The following GNPTG variants were observed in gnomAD, a reference collection of about 807,000 sequenced individuals.
GNPTG encodes N-acetylglucosamine-1-phosphotransferase subunit gamma.
Under a neutral mutation model 43.8 loss-of-function variants are expected in GNPTG, and 46 were observed. The ratio of observed to expected loss-of-function variants is 1.05; its 90% CI spans 0.83 to 1.34. GNPTG has a LOEUF of 1.34. Among genes scored for constraint, GNPTG ranks in the 40% most tolerant of loss-of-function variants. GNPTG has a pLI of 0.00. For synonymous variants in GNPTG, 250 were observed against 172.8 expected (o/e 1.45, Z -3.50); for missense variants, 549 against 411.3 (o/e 1.33, Z -2.90).
At chr16:1,361,633 G>C in intron 3 of GNPTG, 110 bp from the exon 4 acceptor site, 1 of 1,098,988 alleles carries the variant, frequency 9.1e-7, no homozygotes, top group Non-Finnish European at 1.3e-6. Context: ...GACAGAGTGA[G>C]ACTCCATCTC....
At chr16:1,356,887 C>CTGCGGGCGGGAGTG (rs1442011483) in intron 3 of GNPTG, among the ~76,000 whole-genome samples, 1 of 5,580 alleles carries the variant, frequency 1.8e-4, no homozygotes, top group African/African-American at 4.1e-4. Context: ...GGGCGGGGGT[C>CTGCGGGCGGGAGTG]TGCGGGCGGG....
Position 1,362,069 on chromosome 16 carries a change from A to G in GNPTG, c.349A>G (p.Thr117Ala). 1 of 1,611,318 alleles carries G rather than the reference A, an allele frequency of 6.2e-7. No individual in the cohort carries two copies. Among genetic ancestry groups the G allele is most frequent in the Non-Finnish European group, 8.5e-7 (1 of 1,179,146 alleles). ...IWHEWEIANN[T>A]FTGMWMRDGD... is the part of the protein sequence containing the mutation. ...GCACGAGTGGGAGATCGCCAACAACACCTTCACGGGCATGTGGATGAGGGA... is the reference window on the plus strand; with the variant it reads ...GCACGAGTGGGAGATCGCCAACAACGCCTTCACGGGCATGTGGATGAGGGA... Residue 117 changes from threonine to alanine, a missense_variant, in exon 6 of 11, where the codon ACC (threonine) becomes GCC (alanine). Transcript: ENST00000204679.
rs955019316 is a variant in GNPTG, at chr16:1,351,949, G to C, written c.-17G>C. 5 of 1,280,726 alleles carry C rather than the reference G, an allele frequency of 3.9e-6. No individual in the cohort carries two copies. Among genetic ancestry groups the C allele is most frequent in the Non-Finnish European group, 4.9e-6 (5 of 1,020,264 alleles). 79.3% of individuals were successfully genotyped at this position (1,280,726 alleles called of 1,614,324 possible). A position where few individuals can be genotyped will look rare whatever the true frequency, so the allele number is the denominator to read the frequency against. On this transcript the variant is annotated 5_prime_UTR_variant, in exon 1 of 11. Coordinates refer to ENST00000204679, the MANE Select transcript of GNPTG (RefSeq NM_032520.5). ...GACCGTCACTTCACGTGACCGCGCG[G>C]CGGCCGCTGCGGCGCGATGGCGGCG...
At chr16:1,356,435 C>T (rs536777221) in intron 3 of GNPTG, among the ~76,000 whole-genome samples, 9 of 152,246 alleles carry the variant, frequency 5.9e-5, no homozygotes, top group East Asian at 1.9e-4. Flanking sequence ...GCCCAAGAGG[C>T]GTGGAGGGGC....
chr16:1,361,782 G>A lies in GNPTG; in HGVS notation c.218G>A (p.Ser73Asn), dbSNP rs769323972. The A allele has an allele frequency of 6.2e-7, 1 of 1,614,126 alleles. No homozygotes were observed. The highest frequency in any genetic ancestry group is 1.1e-5 in the South Asian group (1 of 91,078). The change falls in exon 4 of 11, where the codon AGC becomes AAC. Residue 73 changes from serine to asparagine, a missense_variant. Physicochemically the swap from Ser to Asn is conservative, Grantham distance 46. Transcript: ENST00000204679. ...HLFRLSGKCFSLVESTYKYEF... is the reference protein window; with the variant it reads ...HLFRLSGKCFNLVESTYKYEF... ...TTCCGACTCTCGGGCAAGTGCTTCA[G>A]CCTGGTGGAGTCCACGTGAGTGCAG...
intron 3 of GNPTG, chr16:1,361,125 A>T (rs62011305): frequency 0.54 from 82,919 of 153,234 alleles, 23,528 homozygotes; most frequent in Admixed American, 0.65. Flanking sequence ...TTTTGTGTAG[A>T]CACGGGGTTC....
At position 1,363,184 on chromosome 16, in the gene GNPTG, G is replaced by C; in HGVS notation, c.*93G>C. The C allele has an allele frequency of 9.7e-7, 1 of 1,030,924 alleles. No homozygotes were observed. The highest frequency in any genetic ancestry group is 1.5e-6 in the Non-Finnish European group (1 of 674,856). The allele number at this position is 1,030,924 out of a possible 1,614,324, so 63.9% of individuals were successfully genotyped here. ...GCAGGGACCAGCTGACCAGGCTTGT[G>C]CTCAGAGAAGCAGACAAAACAAAGA... On this transcript the variant is annotated 3_prime_UTR_variant, in exon 11 of 11. Transcript: ENST00000204679.
chr16:1,362,256 G>A lies in GNPTG; in HGVS notation c.462G>A (p.Pro154=), dbSNP rs780619430. The change falls in exon 7 of 11, where the codon CCG becomes CCA. Residue 154 remains proline (P), a synonymous_variant. Coordinates refer to ENST00000204679, the MANE Select transcript of GNPTG (RefSeq NM_032520.5). The stretch of plus-strand genomic sequence containing the variant: ...ACCGGCTGGCCCATGTGTCCGAGCC[G>A]AGCACCTGCGTCTACGCGCTGACGT... The part of the protein sequence containing the change: ...KSNRLAHVSE[P]STCVYALTFE... 77 of 1,613,360 alleles carry A rather than the reference G, an allele frequency of 4.8e-5. No individual in the cohort carries two copies. The Admixed American group carries it at 5.3e-4, about 11-fold the overall frequency.
In GNPTG at chr16:1,362,644, G is replaced by A; in HGVS notation, c.643G>A (p.Asp215Asn). The part of the protein sequence containing the change: ...HEKLLRTLFE[D>N]AGYLKTPEEN... ...GAAGTTGCTGAGGACACTTTTTGAG[G>A]ATGCTGGCTACTTAAAGACCCCAGA... Residue 215 changes from aspartate to asparagine, a missense_variant, in exon 9 of 11, where the codon GAT becomes AAT. By Grantham distance (23) the Asp-to-Asn change is conservative. Transcript: ENST00000204679. The A allele has an allele frequency of 1.9e-6, 3 of 1,614,188 alleles. No homozygotes were observed. The highest frequency in any genetic ancestry group is 2.5e-6 in the Non-Finnish European group (3 of 1,180,042).
Position 1,354,370 on chromosome 16 carries a change from G to A in GNPTG, c.178+2064G>A, listed in dbSNP as rs533551021. Among the ~76,000 whole-genome samples, 111 of 152,070 alleles carry A rather than the reference G, an allele frequency of 7.3e-4. 1 individual carries two copies. The highest frequency in any genetic ancestry group is 2.6e-3 in the African/African-American group (107 of 41,474). On this transcript the variant is annotated intron_variant, in intron 3 of 10. Coordinates refer to ENST00000204679, the MANE Select transcript of GNPTG (RefSeq NM_032520.5). Reference sequence around the variant, plus strand: ...GTGTGACGATCGCTTGAGGTCAGGAGTTCGAGACCAGCCTGGCCAACATGG... The same window carrying A: ...GTGTGACGATCGCTTGAGGTCAGGAATTCGAGACCAGCCTGGCCAACATGG...
chr16:1,352,128 A>T lies in GNPTG; in HGVS notation c.79A>T (p.Met27Leu). The change falls in exon 2 of 11, where the codon ATG (methionine) becomes TTG (leucine). Residue 27 changes from methionine to leucine, a missense_variant. Coordinates refer to ENST00000204679, the MANE Select transcript of GNPTG (RefSeq NM_032520.5). ...GCCCGCGCCGGCAGGTGCAGCGAAGATGAAGGTGGTGGAGGAGCCCAACGC... is the reference window on the plus strand; with the variant it reads ...GCCCGCGCCGGCAGGTGCAGCGAAGTTGAAGGTGGTGGAGGAGCCCAACGC... ...GGPAPAGAAK[M>L]KVVEEPNAFG... 6.3e-7 allele frequency: 1 copy of T among 1,582,710 alleles called. No homozygotes were observed. Among genetic ancestry groups the T allele is most frequent in the South Asian group, 1.1e-5 (1 of 87,004 alleles).
At chr16:1,352,845 G>C (rs1201807740) in intron 3 of GNPTG, among the ~76,000 whole-genome samples, 1 of 151,980 alleles carries the variant, frequency 6.6e-6, no homozygotes, top group Admixed American at 6.6e-5. Context: ...TAGGTGCTTT[G>C]GTTTGCCCTC....
rs894088899 is a variant in GNPTG, at chr16:1,352,250, C to T, written c.122C>T (p.Pro41Leu). 14 of 1,548,594 alleles carry T rather than the reference C, an allele frequency of 9.0e-6. No individual in the cohort carries two copies. In the Admixed American group the frequency reaches 2.5e-4, roughly 28 times the overall value. Residue 41 changes from proline to leucine, a missense_variant, in exon 3 of 11, where the codon CCG becomes CTG. Pro to Leu is a moderately conservative substitution (Grantham distance 98). Coordinates refer to ENST00000204679, the MANE Select transcript of GNPTG (RefSeq NM_032520.5). ...GCCGCTTCCCGTAGGGTGAACAACC[C>T]GTTCTTGCCTCAGGCCAGTCGCCTC... is the stretch of plus-strand genomic sequence containing the variant. ...EEPNAFGVNN[P>L]FLPQASRLQA...
chr16:1,359,604 G>C (rs2034835781), intron 3 of GNPTG, among the ~76,000 whole-genome samples: 1 of 152,266 alleles, frequency 6.6e-6, no homozygotes, highest in African/African-American at 2.4e-5. Context: ...ACACTGTTTT[G>C]ATCATAACAG....
chr16:1,353,085 T>C (rs2034713599), intron 3 of GNPTG, among the ~76,000 whole-genome samples: 1 of 150,458 alleles, frequency 6.6e-6, no homozygotes, highest in Non-Finnish European at 1.5e-5. Context: ...TCCTCATGCC[T>C]CAGCCTCCCG....
chr16:1,352,180 G>C, intron 2 of GNPTG, 21 bp downstream of exon 2: 1 of 1,560,352 alleles, frequency 6.4e-7, no homozygotes. Flanking sequence ...TCGCGGGCTG[G>C]CGGCTCGAGC....
At chr16:1,356,394 A>G (rs893925738) in intron 3 of GNPTG, among the ~76,000 whole-genome samples, 3 of 152,138 alleles carry the variant, frequency 2.0e-5, no homozygotes, top group African/African-American at 7.2e-5. Flanking sequence ...ATTTGGGGGT[A>G]GAGACTCCCG....
At chr16:1,358,730 C>G (rs886118330) in intron 3 of GNPTG, among the ~76,000 whole-genome samples, 1 of 152,168 alleles carries the variant, frequency 6.6e-6, no homozygotes, top group Admixed American at 6.5e-5. Flanking sequence ...GGTCCAGTTT[C>G]TCCACATTTT....
intron 3 of GNPTG, chr16:1,352,535 AAT>A (rs2034703273): frequency 3.4e-6 from 2 of 584,876 alleles, no homozygotes; most frequent in African/African-American, 3.7e-5. Flanking sequence ...AACTGCTGTT[AAT>A]AGTCTGGTGA....
Sources: gnomAD v4.1 joint callset for allele counts (sites outside exome capture counted in the v4.1 genomes callset) on GRCh38, gnomAD v4.1.1 for gene constraint, MANE v1.5 for transcripts, NCBI Gene and HGNC (gene_info 2026-07-23, HGNC 2026-07-21) for gene names.